The following RORB variants were observed in gnomAD, a reference collection of about 807,000 sequenced individuals.
RORB encodes the protein RAR related orphan receptor B.
Under a neutral mutation model 59.1 loss-of-function variants are expected in RORB, and 6 were observed. That is an observed-to-expected ratio of 0.10 (90% CI 0.06 to 0.20). The LOEUF (loss-of-function observed/expected upper bound fraction) is 0.20, where lower values mean the gene tolerates loss of function less well. Ranked by LOEUF, RORB falls within the 10% of genes least tolerant of loss-of-function variation. The probability of loss-of-function intolerance (pLI) is 1.00; values close to 1 mark genes in which losing one functional copy is unlikely to be tolerated. For missense variants in RORB, 320 were observed against 560.5 expected, an observed-to-expected ratio of 0.57 and a Z score of 4.33; for synonymous variants, 215 against 204.5, an observed-to-expected ratio of 1.05 and a Z score of -0.44.
chr9:74,661,925 G>T (rs1824191675), intron 5 of RORB, among the ~76,000 whole-genome samples: 1 of 151,928 alleles, frequency 6.6e-6, no homozygotes, highest in South Asian at 2.1e-4. Flanking sequence ...GATTTCAGGC[G>T]TGAGCCACCG....
intron 4 of RORB, among the ~76,000 whole-genome samples, chr9:74,659,857 T>C (rs1824151808): frequency 6.6e-6 from 1 of 152,172 alleles, no homozygotes; most frequent in Non-Finnish European, 1.5e-5. Flanking sequence ...TGCCCAAAAT[T>C]GTGTTTGCTA....
chr9:74,659,341 T>TA (rs534055518), intron 4 of RORB, among the ~76,000 whole-genome samples: 15 of 152,306 alleles, frequency 9.8e-5, no homozygotes, highest in Admixed American at 3.3e-4. Context: ...GTTGGCCATT[T>TA]AGAAAGAACA....
intron 1 of RORB, among the ~76,000 whole-genome samples, chr9:74,609,567 T>C (rs1280199860): frequency 6.6e-6 from 1 of 152,230 alleles, no homozygotes; most frequent in East Asian, 1.9e-4. Context: ...AACATACAAT[T>C]GATAGCTGAT....
intron 1 of RORB, among the ~76,000 whole-genome samples, chr9:74,574,693 C>T (rs1822604554): frequency 6.6e-6 from 1 of 152,018 alleles, no homozygotes; most frequent in African/African-American, 2.4e-5. Flanking sequence ...GTAAATTGAC[C>T]ATGTAACCCT....
chr9:74,497,855 C>T lies in RORB; in HGVS notation c.-122C>T. The stretch of plus-strand genomic sequence containing the variant: ...GGCGTCCGCCTAAAGGGATGGTTTT[C>T]TCGGCAGAGCAGCTCTTCGCCGACC... On this transcript the variant is annotated 5_prime_UTR_variant, in exon 1 of 10. Transcript: ENST00000376896. 1 of 1,245,898 alleles carries T rather than the reference C, an allele frequency of 8.0e-7. No individual in the cohort carries two copies. The highest frequency in any genetic ancestry group is 1.3e-5 in the South Asian group (1 of 76,506). 77.2% of individuals were successfully genotyped at this position (1,245,898 alleles called of 1,614,324 possible).
chr9:74,574,399 A>C (rs1487516168), intron 1 of RORB, among the ~76,000 whole-genome samples: 1 of 152,166 alleles, frequency 6.6e-6, no homozygotes, highest in East Asian at 1.9e-4. Flanking sequence ...GTTTATCCTC[A>C]AATTACCTTC....
chr9:74,535,520 C>A (rs989050161), intron 1 of RORB, among the ~76,000 whole-genome samples: 11 of 151,758 alleles, frequency 7.2e-5, no homozygotes, highest in African/African-American at 2.7e-4. Context: ...TTCTGTTTAC[C>A]CTAGTAAAAT....
intron 1 of RORB, among the ~76,000 whole-genome samples, chr9:74,509,716 T>C (rs4098048): frequency 0.3 from 45,301 of 151,946 alleles, 7,103 homozygotes; most frequent in Admixed American, 0.39. Context: ...TGACTGAGAC[T>C]GGAACTCTCA....
At chr9:74,585,825 C>T (rs1175585692) in intron 1 of RORB, among the ~76,000 whole-genome samples, 16 of 44,390 alleles carry the variant, frequency 3.6e-4, no homozygotes, top group East Asian at 2.5e-3. Context: ...GACGGATTCT[C>T]GCTCTGTCGC....
At chr9:74,614,375 C>A (rs748637874) in intron 1 of RORB, among the ~76,000 whole-genome samples, 1 of 151,764 alleles carries the variant, frequency 6.6e-6, no homozygotes, top group Non-Finnish European at 1.5e-5. Flanking sequence ...AATTAAAAGA[C>A]AACCTCTTTT....
intron 1 of RORB, among the ~76,000 whole-genome samples, chr9:74,604,583 A>C (rs1823121551): frequency 6.6e-6 from 1 of 152,254 alleles, no homozygotes; most frequent in Non-Finnish European, 1.5e-5. Context: ...CTTAATTTTC[A>C]ACCATAAGAT....
rs1267950140 is a variant in RORB, at chr9:74,669,536, C to A, written c.1111+1635C>A. ...AAAATATAATAATAAATAATATAATCATAATAATATAACAACAATAATATA... is the reference window on the plus strand; with the variant it reads ...AAAATATAATAATAAATAATATAATAATAATAATATAACAACAATAATATA... On this transcript the variant is annotated intron_variant, in intron 8 of 9. Transcript: ENST00000376896. 8.7e-5 allele frequency among the ~76,000 whole-genome samples: 13 copies of A among 149,108 alleles called. No individual in the cohort carries two copies. In the East Asian group the frequency reaches 2.2e-3, roughly 25 times the overall value.
intron 3 of RORB, 103 bp from the exon 4 acceptor site, chr9:74,642,311 A>G (rs771067400): frequency 1.7e-6 from 2 of 1,146,774 alleles, no homozygotes; most frequent in African/African-American, 1.5e-5. Context: ...ACATTTGTGC[A>G]TTTGAAGTTG....
At chr9:74,583,655 T>A (rs1306476133) in intron 1 of RORB, among the ~76,000 whole-genome samples, 1 of 152,120 alleles carries the variant, frequency 6.6e-6, no homozygotes, top group Non-Finnish European at 1.5e-5. Flanking sequence ...TTGTAGAAGA[T>A]GAACAGTTCA....
intron 1 of RORB, among the ~76,000 whole-genome samples, chr9:74,548,320 G>T (rs1436371564): frequency 6.6e-6 from 1 of 151,882 alleles, no homozygotes; most frequent in Non-Finnish European, 1.5e-5. Context: ...TTATAAATTA[G>T]GTATTTTTTT....
chr9:74,542,999 G>A (rs1419008918), intron 1 of RORB, among the ~76,000 whole-genome samples: 1 of 152,180 alleles, frequency 6.6e-6, no homozygotes, highest in African/African-American at 2.4e-5. Context: ...AAATGCTGTA[G>A]CATATATAAA....
At chr9:74,597,581 T>C (rs1822987377) in intron 1 of RORB, among the ~76,000 whole-genome samples, 1 of 152,206 alleles carries the variant, frequency 6.6e-6, no homozygotes, top group Non-Finnish European at 1.5e-5. Flanking sequence ...AAAATTCAAA[T>C]GAAAACAAAT....
chr9:74,653,024 CT>C (rs1172889401), intron 4 of RORB, among the ~76,000 whole-genome samples: 1 of 152,110 alleles, frequency 6.6e-6, no homozygotes, highest in African/African-American at 2.4e-5. Context: ...TCAGAAAGGT[CT>C]TTAAATGACA....
At chr9:74,676,258 T>C (rs530594338) in intron 9 of RORB, among the ~76,000 whole-genome samples, 1 of 152,314 alleles carries the variant, frequency 6.6e-6, no homozygotes, top group South Asian at 2.1e-4. Context: ...TCATGAAATA[T>C]TGTTAGATAG....
Sources: allele counts gnomAD v4.1 joint callset (sites outside exome capture counted in the v4.1 genomes callset), GRCh38; gene constraint gnomAD v4.1.1; transcripts MANE v1.5; gene names NCBI Gene and HGNC (gene_info 2026-07-23, HGNC 2026-07-21).